LAMA2: variants seen among roughly 807,000 people sequenced by gnomAD.
LAMA2 encodes laminin subunit alpha 2.
A neutral mutation model predicts 364.8 loss-of-function variants in LAMA2; 269 were observed. The ratio of observed to expected loss-of-function variants is 0.74; its 90% CI spans 0.67 to 0.82. The LOEUF (loss-of-function observed/expected upper bound fraction) is 0.82, where lower values mean the gene tolerates loss of function less well. Ranked by LOEUF, LAMA2 falls within the 40% of genes least tolerant of loss-of-function variation. LAMA2 has a pLI of 0.00. For missense variants in LAMA2, 3,807 were observed against 3,873.2 expected (o/e 0.98, Z 0.45); for synonymous variants, 1,379 against 1,370.6 (o/e 1.01, Z -0.14).
chr6:129,199,641 T>C lies in LAMA2; in HGVS notation c.1782+6788T>C, dbSNP rs562682373. ...GTCAATAAGGAGACTATATGCAAAA[T>C]TAATATACAAAAGTCAATCATGTTT... On this transcript the variant is annotated intron_variant, in intron 12 of 64. Transcript: ENST00000421865. 2.6e-4 allele frequency among the ~76,000 whole-genome samples: 39 copies of C among 152,188 alleles called. No homozygotes were observed. The South Asian group carries it at 4.4e-3, about 17-fold the overall frequency.
At chr6:128,967,064 C>T (rs1554336786) in intron 1 of LAMA2, among the ~76,000 whole-genome samples, 1 of 152,162 alleles carries the variant, frequency 6.6e-6, no homozygotes, top group Non-Finnish European at 1.5e-5. Flanking sequence ...GTAAACATGA[C>T]TACTATGAAT....
chr6:128,884,472 C>T lies in LAMA2; in HGVS notation c.112+1115C>T, dbSNP rs573156161. The stretch of plus-strand genomic sequence containing the variant: ...TATCCTTCTTCCAGTTAACTTCTAG[C>T]CAAGTCAATAGTTCTGATATTTGTT... On this transcript the variant is annotated intron_variant, in intron 1 of 64. Transcript: ENST00000421865. Among the ~76,000 whole-genome samples the T allele has an allele frequency of 7.9e-5, 12 of 152,230 alleles. No homozygotes were observed. The South Asian group carries it at 2.5e-3, about 32-fold the overall frequency.
At chr6:129,041,176 G>A (rs758446302) in intron 1 of LAMA2, among the ~76,000 whole-genome samples, 6 of 152,136 alleles carry the variant, frequency 3.9e-5, no homozygotes, top group Non-Finnish European at 8.8e-5. Flanking sequence ...TCACCTAGAG[G>A]AACATTGCCT....
chr6:129,321,351 G>T (rs1370510764), intron 28 of LAMA2, among the ~76,000 whole-genome samples: 3 of 152,168 alleles, frequency 2.0e-5, no homozygotes, highest in Non-Finnish European at 4.4e-5. Context: ...TCACCATACA[G>T]TAAGCCTGAG....
chr6:128,975,295 G>A (rs1052670870), intron 1 of LAMA2, among the ~76,000 whole-genome samples: 53 of 152,274 alleles, frequency 3.5e-4, no homozygotes, highest in African/African-American at 1.2e-3. Context: ...AAAGGAAGTG[G>A]CAATTAACCT....
At chr6:129,136,959 AC>A (rs968980047) in intron 4 of LAMA2, among the ~76,000 whole-genome samples, 4 of 152,154 alleles carry the variant, frequency 2.6e-5, no homozygotes, top group Non-Finnish European at 5.9e-5. Flanking sequence ...GTTACAGGTC[AC>A]CCATCCGTGA....
intron 10 of LAMA2, among the ~76,000 whole-genome samples, chr6:129,187,776 C>G (rs1231523379): frequency 6.6e-6 from 1 of 151,756 alleles, no homozygotes; most frequent in African/African-American, 2.4e-5. Flanking sequence ...CTGAAATGCT[C>G]TAGTGAACAT....
rs1314123853 is a variant in LAMA2 at position 129,353,304 on chromosome 6, G to A, written c.4664G>A (p.Arg1555Lys). Residue 1555 changes from arginine to lysine, a missense_variant, in exon 32 of 65, where the codon AGG becomes AAG. By Grantham distance (26) the Arg-to-Lys change is conservative. This residue lies in a region of LAMA2 where 3,333 missense variants were observed against 3,345.7 expected (regional missense o/e 1.00). Coordinates refer to ENST00000421865, the MANE Select transcript of LAMA2 (RefSeq NM_000426.4). ...ACGTGCCGACCTGGAGCCACGGGAA[G>A]GAAGTGTGACGGCTGCAAGCACTGG... Reference protein sequence around the residue: ...FCTCRPGATGRKCDGCKHWHA... With the variant: ...FCTCRPGATGKKCDGCKHWHA... The A allele has an allele frequency of 6.2e-7, 1 of 1,614,032 alleles. No homozygotes were observed. Among genetic ancestry groups the A allele is most frequent in the Non-Finnish European group, 8.5e-7 (1 of 1,180,008 alleles).
At chr6:129,171,578 C>T (rs1246283209) in intron 9 of LAMA2, among the ~76,000 whole-genome samples, 2 of 151,886 alleles carry the variant, frequency 1.3e-5, no homozygotes, top group East Asian at 1.9e-4. Flanking sequence ...TTGAGGGTAA[C>T]CCGACCTTTC....
chr6:129,306,154 T>C (rs1177971003), intron 22 of LAMA2, among the ~76,000 whole-genome samples: 1 of 151,960 alleles, frequency 6.6e-6, no homozygotes. Context: ...AAATTTCTCC[T>C]ATAACTCTTT....
intron 32 of LAMA2, among the ~76,000 whole-genome samples, 158 bp downstream of exon 32, chr6:129,353,515 G>A (rs1487916745): frequency 6.9e-6 from 1 of 144,898 alleles, no homozygotes; most frequent in African/African-American, 2.6e-5. Context: ...ACCTTCTGCT[G>A]TTCACCTGCT....
In LAMA2 at chr6:129,403,833, G is replaced by T. The variant is rs760346886; in HGVS notation, c.5739G>T (p.Glu1913Asp). Residue 1913 changes from glutamate (E) to aspartate (D), a missense_variant, in exon 40 of 65, where the codon GAG (glutamate) becomes GAT (aspartate). Transcript: ENST00000421865. The part of the protein sequence containing the change: ...SSAVLDGILD[E>D]AKNISFNATA... The stretch of plus-strand genomic sequence containing the variant: ...ATCATCCCACCAGAATCCTTGATGA[G>T]GCTAAAAACATCTCCTTCAATGCCA... 4.3e-6 allele frequency: 7 copies of T among 1,613,488 alleles called. No individual in the cohort carries two copies. The South Asian group carries it at 7.7e-5, about 18-fold the overall frequency.
intron 12 of LAMA2, among the ~76,000 whole-genome samples, chr6:129,223,266 C>G (rs189268076): frequency 3.9e-5 from 6 of 152,186 alleles, no homozygotes; most frequent in African/African-American, 1.4e-4. Context: ...GAGTAGATTG[C>G]AAAAATCTTC....
rs570083793 is a variant in LAMA2 at position 129,059,725 on chromosome 6, T to C, written c.284-59T>C. 69 of 1,048,008 alleles carry C rather than the reference T, an allele frequency of 6.6e-5. 1 individual carries two copies. In the South Asian group the frequency reaches 8.3e-4, roughly 13 times the overall value. The allele number at this position is 1,048,008 out of a possible 1,614,324, so 64.9% of individuals were successfully genotyped here. ...TTTTTTTTTACTTTAAAGAAAAAGC[T>C]ATAAACTAGTTATATGATCTTTTCT... On this transcript the variant is annotated intron_variant, in intron 2 of 64. Transcript: ENST00000421865.
intron 9 of LAMA2, among the ~76,000 whole-genome samples, chr6:129,166,400 T>C (rs541100653): frequency 3.9e-4 from 60 of 152,258 alleles, no homozygotes; most frequent in African/African-American, 1.4e-3. Context: ...AAGGCTACAA[T>C]GTAGTGTTTT....
intron 22 of LAMA2, among the ~76,000 whole-genome samples, chr6:129,307,813 T>C (rs1260937344): frequency 6.6e-6 from 1 of 152,218 alleles, no homozygotes; most frequent in Non-Finnish European, 1.5e-5. Context: ...GTTCATTAAA[T>C]TGAAGAGCAA....
chr6:129,140,108 A>C (rs1284061720), intron 4 of LAMA2, among the ~76,000 whole-genome samples: 1 of 152,166 alleles, frequency 6.6e-6, no homozygotes, highest in Non-Finnish European at 1.5e-5. Flanking sequence ...AGCAACATAA[A>C]TAGACAAGCA....
At chr6:129,146,132 T>C (rs890496560) in intron 5 of LAMA2, among the ~76,000 whole-genome samples, 14 of 152,070 alleles carry the variant, frequency 9.2e-5, no homozygotes, top group African/African-American at 3.1e-4. Context: ...CAGATATGTG[T>C]CCACCTACAT....
chr6:129,487,608 T>G (rs1784656785), intron 56 of LAMA2, among the ~76,000 whole-genome samples: 1 of 152,234 alleles, frequency 6.6e-6, no homozygotes. Context: ...GTGAAAGACC[T>G]ACATTTACTA....
Sources: allele counts gnomAD v4.1 joint callset (sites outside exome capture counted in the v4.1 genomes callset), GRCh38; gene constraint gnomAD v4.1.1; regional missense constraint gnomAD v4.1.1; transcripts MANE v1.5; gene names NCBI Gene and HGNC (gene_info 2026-07-23, HGNC 2026-07-21).